The following ICA1L variants were observed in gnomAD, a reference collection of about 807,000 sequenced individuals.
ICA1L encodes islet cell autoantigen 1 like.
A neutral mutation model predicts 61.3 loss-of-function variants in ICA1L; 50 were observed. The ratio of observed to expected loss-of-function variants is 0.82; its 90% confidence interval spans 0.65 to 1.03. ICA1L has a LOEUF of 1.03. Among genes scored for constraint, ICA1L ranks in the 50% least tolerant of loss-of-function variants. ICA1L has a pLI of 0.00. For missense variants in ICA1L, 508 were observed against 556.7 expected (o/e 0.91, Z 0.88); for synonymous variants, 161 against 191.3 (o/e 0.84, Z 1.31).
Position 202,805,536 on chromosome 2 carries a change from G to C in ICA1L, c.910+6210C>G, listed in dbSNP as rs1693199963. Among the ~76,000 whole-genome samples, 3 of 152,070 alleles carry C rather than the reference G, an allele frequency of 2.0e-5. No individual in the cohort carries two copies. In the South Asian group the frequency reaches 6.2e-4, roughly 32 times the overall value. On this transcript the variant is annotated intron_variant, in intron 9 of 12. Coordinates refer to ENST00000358299, the MANE Select transcript of ICA1L (RefSeq NM_001288622.3). ...AGATCACTTGAGGCCAGGAGTTCAAGACCAACCTTGGCAACAAAGCAAGAC... is the reference window on the plus strand; with the variant it reads ...AGATCACTTGAGGCCAGGAGTTCAACACCAACCTTGGCAACAAAGCAAGAC...
chr2:202,824,910 T>G (rs1233200522), intron 3 of ICA1L, among the ~76,000 whole-genome samples: 1 of 152,148 alleles, frequency 6.6e-6, no homozygotes, highest in African/African-American at 2.4e-5. Flanking sequence ...TAGGAAATAA[T>G]AAATGTGTTA....
chr2:202,842,948 T>C (rs1694371498), intron 1 of ICA1L, among the ~76,000 whole-genome samples: 1 of 152,200 alleles, frequency 6.6e-6, no homozygotes, highest in Admixed American at 6.5e-5. Context: ...TTTTAGTTCA[T>C]TAATTGTATT....
At chr2:202,811,853 CA>C (rs1319586657) in intron 8 of ICA1L, 64 bp from the exon 9 acceptor site, 1 of 1,210,658 alleles carries the variant, frequency 8.3e-7, no homozygotes, top group Non-Finnish European at 1.2e-6. Context: ...TCATATTCCC[CA>C]AACAGTTTTA....
chr2:202,864,460 C>T (rs928252509), intron 1 of ICA1L, among the ~76,000 whole-genome samples: 5 of 151,944 alleles, frequency 3.3e-5, no homozygotes, highest in African/African-American at 9.7e-5. Context: ...GTCTCGATCT[C>T]CTGACCTCGT....
At chr2:202,854,423 A>G (rs1443438274) in intron 1 of ICA1L, among the ~76,000 whole-genome samples, 2 of 152,204 alleles carry the variant, frequency 1.3e-5, no homozygotes, top group Non-Finnish European at 2.9e-5. Context: ...AAAGACTTAG[A>G]CTCGCACACA....
intron 12 of ICA1L, among the ~76,000 whole-genome samples, chr2:202,781,899 T>C (rs1692418651): frequency 6.6e-6 from 1 of 152,220 alleles, no homozygotes; most frequent in African/African-American, 2.4e-5. Context: ...TCTAGTTATT[T>C]AACATCCTTG....
Position 202,798,084 on chromosome 2 carries a change from A to G in ICA1L, c.911-1120T>C, listed in dbSNP as rs1692984028. On this transcript the variant is annotated intron_variant, in intron 9 of 12. Coordinates refer to ENST00000358299, the MANE Select transcript of ICA1L (RefSeq NM_001288622.3). ...TGCATAATGTCCTCTGGGTTCATTC[A>G]TTTAGTCACAAATGACAGGATTTCC... is the stretch of plus-strand genomic sequence containing the variant. Among the ~76,000 whole-genome samples the G allele has an allele frequency of 2.6e-5, 4 of 152,152 alleles. No homozygotes were observed. The South Asian group carries it at 8.3e-4, about 31-fold the overall frequency.
rs769627525 is a variant in ICA1L, at chr2:202,774,116, A to G, written c.*5417T>C. The G allele has an allele frequency of 3.1e-5, 39 of 1,277,166 alleles. No individual in the cohort carries two copies. The highest frequency in any genetic ancestry group is 3.7e-5 in the Non-Finnish European group (33 of 900,482). The allele number at this position is 1,277,166 out of a possible 1,614,324, so 79.1% of individuals were successfully genotyped here. Reference sequence around the variant, plus strand: ...AATCCCATCAATGATTGGATAAGCTATTCTCAACTCTTCATTAATCAATTC... The same window carrying G: ...AATCCCATCAATGATTGGATAAGCTGTTCTCAACTCTTCATTAATCAATTC... On this transcript the variant is annotated 3_prime_UTR_variant, in exon 13 of 13. Coordinates refer to ENST00000358299, the MANE Select transcript of ICA1L (RefSeq NM_001288622.3).
chr2:202,841,268 C>A, intron 1 of ICA1L: 1 of 735,732 alleles, frequency 1.4e-6, no homozygotes, highest in Non-Finnish European at 2.5e-6. Flanking sequence ...AGTCTTCCAC[C>A]AGCCCTGGCA....
At chr2:202,821,920 G>T (rs181958780) in intron 3 of ICA1L, among the ~76,000 whole-genome samples, 1 of 152,002 alleles carries the variant, frequency 6.6e-6, no homozygotes, top group Non-Finnish European at 1.5e-5. Flanking sequence ...GCTCGGTATC[G>T]CAGACTCACA....
chr2:202,859,519 T>C (rs186553269), intron 1 of ICA1L, among the ~76,000 whole-genome samples: 19 of 152,316 alleles, frequency 1.2e-4, no homozygotes, highest in African/African-American at 3.8e-4. Flanking sequence ...CAATAAGACA[T>C]TGACATAGCA....
rs1212037743 is a variant in ICA1L at position 202,814,748 on chromosome 2, T to A, written c.820A>T (p.Asn274Tyr). ...QDTPSKISED[N>Y]KDEQIGGFLT... ...AAACCGCCTATTTGTTCATCTTTAT[T>A]GTCTTCACTAATCTTGCTTGGCGTG... The change falls in exon 8 of 13, where the codon AAT (asparagine) becomes TAT (tyrosine). Residue 274 changes from asparagine to tyrosine, a missense_variant. Physicochemically the swap from Asn to Tyr is moderately radical, Grantham distance 143. Transcript: ENST00000358299. 7 of 1,613,812 alleles carry A rather than the reference T, an allele frequency of 4.3e-6. No homozygotes were observed. The highest frequency in any genetic ancestry group is 1.7e-5 in the Admixed American group (1 of 59,996).
chr2:202,802,587 C>G (rs1693111596), intron 9 of ICA1L, among the ~76,000 whole-genome samples: 1 of 151,804 alleles, frequency 6.6e-6, no homozygotes, highest in Admixed American at 6.6e-5. Context: ...AAGAGCATAT[C>G]CTAAAAACGG....
chr2:202,791,065 A>ATGAG (rs1692734050), intron 10 of ICA1L, among the ~76,000 whole-genome samples: 1 of 152,238 alleles, frequency 6.6e-6, no homozygotes. Flanking sequence ...CTTATAGTGT[A>ATGAG]TGAGTCTCAA....
chr2:202,825,028 A>C (rs369804061), intron 3 of ICA1L, among the ~76,000 whole-genome samples: 1 of 152,226 alleles, frequency 6.6e-6, no homozygotes, highest in East Asian at 1.9e-4. Context: ...AGTACAAGAG[A>C]AATTGGAAGG....
intron 1 of ICA1L, among the ~76,000 whole-genome samples, chr2:202,843,513 A>G (rs1265319365): frequency 3.3e-5 from 5 of 152,204 alleles, no homozygotes; most frequent in Non-Finnish European, 7.3e-5. Flanking sequence ...CTATGGCTGA[A>G]GGGATCCCTC....
chr2:202,778,622 T>C lies in ICA1L; in HGVS notation c.*911A>G, dbSNP rs954282908. On this transcript the variant is annotated 3_prime_UTR_variant, in exon 13 of 13. Transcript: ENST00000358299. ...AGTGTCTCCCTCATTCAGATAGAAA[T>C]TTCTAGGTATTTCAGGAATACTATT... is the stretch of plus-strand genomic sequence containing the variant. 2 of 152,432 alleles carry C rather than the reference T, an allele frequency of 1.3e-5. No individual in the cohort carries two copies. Among genetic ancestry groups the C allele is most frequent in the African/African-American group, 4.8e-5 (2 of 41,434 alleles). 9.4% of individuals were successfully genotyped at this position (152,432 alleles called of 1,614,324 possible).
At chr2:202,863,411 G>A (rs1450895515) in intron 1 of ICA1L, among the ~76,000 whole-genome samples, 1 of 152,040 alleles carries the variant, frequency 6.6e-6, no homozygotes, top group African/African-American at 2.4e-5. Flanking sequence ...TCAGTAAATA[G>A]AGAATGGACA....
At position 202,862,288 on chromosome 2, in the gene ICA1L, A is replaced by C. The variant is rs1382846827; in HGVS notation, c.-8+9331T>G. 2.9e-4 allele frequency among the ~76,000 whole-genome samples: 35 copies of C among 120,718 alleles called. 1 individual carries two copies. The highest frequency in any genetic ancestry group is 3.8e-3 in the Middle Eastern group (1 of 266). 79.2% of individuals were successfully genotyped at this position (120,718 alleles called of 152,430 possible). On this transcript the variant is annotated intron_variant, in intron 1 of 12. Transcript: ENST00000358299. Reference sequence around the variant, plus strand: ...TCATTTCTACAAAAAAAAAAAAAAAAAAAAAAAAAAAAAAAAAGGCCAGAA... The same window carrying C: ...TCATTTCTACAAAAAAAAAAAAAAACAAAAAAAAAAAAAAAAAGGCCAGAA...
Sources: gnomAD v4.1 joint callset for allele counts (sites outside exome capture counted in the v4.1 genomes callset) on GRCh38, gnomAD v4.1.1 for gene constraint, MANE v1.5 for transcripts, NCBI Gene and HGNC (gene_info 2026-07-23, HGNC 2026-07-21) for gene names.